SLC39A8: variants seen among roughly 807,000 people sequenced by gnomAD.
The protein encoded by SLC39A8 is solute carrier family 39 member 8.
In SLC39A8, 15 loss-of-function variants were observed where a neutral mutation model predicts 40.4. The ratio of observed to expected loss-of-function variants is 0.37; its 90% CI spans 0.25 to 0.57. SLC39A8 has a LOEUF of 0.57. Ranked by LOEUF, SLC39A8 falls within the 20% of genes least tolerant of loss-of-function variation. The pLI is 0.75. For synonymous variants in SLC39A8, 223 were observed against 221.6 expected, an observed-to-expected ratio of 1.01 and a Z score of -0.06; for missense variants, 472 against 558.8, an observed-to-expected ratio of 0.84 and a Z score of 1.57.
At position 102,299,878 on chromosome 4, in the gene SLC39A8, A is replaced by G. The variant is rs144691766; in HGVS notation, c.840+4439T>C. The stretch of plus-strand genomic sequence containing the variant: ...CCCAAAGTACCAAACATTCCTCAGC[A>G]ATCAACATCCAACAAACACCAAGGC... On this transcript the variant is annotated intron_variant, in intron 6 of 8. Coordinates refer to ENST00000356736, the MANE Select transcript of SLC39A8 (RefSeq NM_001135146.2). 8.5e-5 allele frequency among the ~76,000 whole-genome samples: 13 copies of G among 152,166 alleles called. No individual in the cohort carries two copies. In the East Asian group the frequency reaches 2.5e-3, roughly 30 times the overall value.
At chr4:102,289,927 C>G (rs1733347235) in intron 6 of SLC39A8, among the ~76,000 whole-genome samples, 1 of 152,084 alleles carries the variant, frequency 6.6e-6, no homozygotes, top group South Asian at 2.1e-4. Flanking sequence ...ATGTAGTTGA[C>G]AAAGCAGTGG....
chr4:102,342,735 A>G (rs1335317752), intron 2 of SLC39A8, among the ~76,000 whole-genome samples: 5 of 152,208 alleles, frequency 3.3e-5, no homozygotes, highest in African/African-American at 1.2e-4. Flanking sequence ...AGAGAATCGT[A>G]TTACTGGTAC....
At chr4:102,331,587 T>C (rs1269138597) in intron 2 of SLC39A8, among the ~76,000 whole-genome samples, 2 of 152,202 alleles carry the variant, frequency 1.3e-5, no homozygotes, top group Non-Finnish European at 2.9e-5. Flanking sequence ...ACGGCCATAC[T>C]GCCCAACGTA....
At chr4:102,342,531 G>T (rs1735989826) in intron 2 of SLC39A8, among the ~76,000 whole-genome samples, 1 of 152,130 alleles carries the variant, frequency 6.6e-6, no homozygotes. Context: ...AGAGATGTTT[G>T]TTAGGCTTAT....
chr4:102,340,692 T>G (rs975433400), intron 2 of SLC39A8, among the ~76,000 whole-genome samples: 2 of 152,132 alleles, frequency 1.3e-5, no homozygotes, highest in African/African-American at 4.8e-5. Context: ...CAAATTAGAG[T>G]GCAGCAGTCA....
intron 6 of SLC39A8, among the ~76,000 whole-genome samples, chr4:102,285,785 T>C (rs1733154841): frequency 1.3e-5 from 2 of 152,132 alleles, no homozygotes; most frequent in African/African-American, 4.8e-5. Flanking sequence ...TTAGAATCCT[T>C]ACTTTGAATA....
intron 2 of SLC39A8, among the ~76,000 whole-genome samples, chr4:102,326,173 T>C (rs1735190062): frequency 6.6e-6 from 1 of 152,190 alleles, no homozygotes; most frequent in Non-Finnish European, 1.5e-5. Context: ...GTTTCCTTGA[T>C]GTACACCAAG....
At chr4:102,276,185 A>G (rs944445134) in intron 6 of SLC39A8, among the ~76,000 whole-genome samples, 1 of 152,174 alleles carries the variant, frequency 6.6e-6, no homozygotes, top group Non-Finnish European at 1.5e-5. Context: ...CAAAAAATCA[A>G]TGAATCCAGG....
At chr4:102,315,501 A>T (rs148738928) in intron 3 of SLC39A8, among the ~76,000 whole-genome samples, 167 bp downstream of exon 3, 3 of 152,312 alleles carry the variant, frequency 2.0e-5, no homozygotes, top group Admixed American at 6.5e-5. Flanking sequence ...AGCTTAAATG[A>T]GTTATAATTC....
intron 6 of SLC39A8, among the ~76,000 whole-genome samples, chr4:102,303,034 A>G (rs1261709558): frequency 6.6e-6 from 1 of 152,000 alleles, no homozygotes; most frequent in Admixed American, 6.6e-5. Context: ...TTTTCTTTCC[A>G]GAAGGAAACT....
At position 102,341,066 on chromosome 4, in the gene SLC39A8, T is replaced by C. The variant is rs918344751; in HGVS notation, c.219+3378A>G. Among the ~76,000 whole-genome samples, 2 of 65,954 alleles carry C rather than the reference T, an allele frequency of 3.0e-5. 1 individual carries two copies. The highest frequency in any genetic ancestry group is 2.0e-4 in the Admixed American group (2 of 9,780). 43.3% of individuals were successfully genotyped at this position (65,954 alleles called of 152,430 possible). On this transcript the variant is annotated intron_variant, in intron 2 of 8. Coordinates refer to ENST00000356736, the MANE Select transcript of SLC39A8 (RefSeq NM_001135146.2). ...AATGCTAGGCTCAAGATTTAGAGTT[T>C]GCCAGCTGAGACAGTTCATGGAGGC...
chr4:102,315,978 G>T, intron 2 of SLC39A8, 148 bp from the exon 3 acceptor site: 2 of 556,266 alleles, frequency 3.6e-6, no homozygotes, highest in Non-Finnish European at 5.6e-6. Flanking sequence ...GGCCCCTAAA[G>T]TTGTAAAACA....
At chr4:102,283,525 G>A (rs1249482793) in intron 6 of SLC39A8, among the ~76,000 whole-genome samples, 1 of 150,672 alleles carries the variant, frequency 6.6e-6, no homozygotes, top group Admixed American at 6.6e-5. Flanking sequence ...ATGTGCTGAG[G>A]TGTTCTGAGG....
At chr4:102,289,574 G>A (rs746812743) in intron 6 of SLC39A8, among the ~76,000 whole-genome samples, 1 of 152,142 alleles carries the variant, frequency 6.6e-6, no homozygotes, top group Non-Finnish European at 1.5e-5. Flanking sequence ...CAATCTAGAT[G>A]CCATTAAGAA....
rs750533079 is a variant in SLC39A8, at chr4:102,315,653, A to C, written c.382+15T>G. The C allele has an allele frequency of 1.1e-5, 17 of 1,575,926 alleles. No individual in the cohort carries two copies. In the South Asian group the frequency reaches 1.7e-4, roughly 16 times the overall value. On this transcript the variant is annotated intron_variant, in intron 3 of 8. Transcript: ENST00000356736. The stretch of plus-strand genomic sequence containing the variant: ...AGACTTTTCAAATAAAAGAGAAAAA[A>C]TGCTTCTAATATACCTTCTGAATGA...
At position 102,275,655 on chromosome 4, in the gene SLC39A8, C is replaced by G. The variant is rs1269953726; in HGVS notation, c.841-7576G>C. On this transcript the variant is annotated intron_variant, in intron 6 of 8. Transcript: ENST00000356736. ...TGACCTAATAGATATCTACAGAACT[C>G]TCCACCCCCAAATCAACAGAATATA... 2.0e-5 allele frequency among the ~76,000 whole-genome samples: 3 copies of G among 152,172 alleles called. No individual in the cohort carries two copies. The East Asian group carries it at 5.8e-4, about 29-fold the overall frequency.
intron 6 of SLC39A8, among the ~76,000 whole-genome samples, chr4:102,279,148 T>TA (rs565378709): frequency 0.012 from 1,767 of 144,522 alleles, 28 homozygotes; most frequent in African/African-American, 0.041. Context: ...AGTATAATAA[T>TA]AAAAAAAAAA....
intron 5 of SLC39A8, 116 bp downstream of exon 5, chr4:102,304,873 A>G: frequency 2.3e-6 from 2 of 863,572 alleles, no homozygotes; most frequent in South Asian, 2.0e-5. Context: ...TAAACTCACA[A>G]GCCTAATAAC....
intron 6 of SLC39A8, among the ~76,000 whole-genome samples, chr4:102,303,818 T>C (rs751175574): frequency 6.6e-6 from 1 of 151,902 alleles, no homozygotes; most frequent in Non-Finnish European, 1.5e-5. Context: ...CTAAGCATAT[T>C]ACCTGGTATA....
Sources: allele counts gnomAD v4.1 joint callset (sites outside exome capture counted in the v4.1 genomes callset), GRCh38; gene constraint gnomAD v4.1.1; transcripts MANE v1.5; gene names NCBI Gene and HGNC (gene_info 2026-07-23, HGNC 2026-07-21).